The following OCIAD2 variants were observed in gnomAD, a reference collection of about 807,000 sequenced individuals.
OCIAD2 encodes the protein OCIA domain containing 2, also known as OCIA domain-containing protein 2.
OCIAD2 carries 29 observed loss-of-function variants against 22.9 expected under a neutral mutation model. The ratio of observed to expected loss-of-function variants is 1.27; its 90% CI spans 0.94 to 1.73. OCIAD2 has a LOEUF of 1.73. Among genes scored for constraint, OCIAD2 ranks in the 40% most tolerant of loss-of-function variants. The pLI, the probability that OCIAD2 is intolerant of heterozygous loss-of-function variation, is 0.00. For synonymous variants in OCIAD2, 67 were observed against 60.2 expected, an observed-to-expected ratio of 1.11 and a Z score of -0.52; for missense variants, 189 against 180.3, an observed-to-expected ratio of 1.05 and a Z score of -0.28.
In OCIAD2 at chr4:48,893,992, T is replaced by G; in HGVS notation, c.265+14A>C. On this transcript the variant is annotated intron_variant, in intron 5 of 6. Transcript: ENST00000508632. ...CCACCACACTTGGCTTGCTTTTTTA[T>G]TTCTATGACTTACGTGCAACTTTGG... 2 of 1,504,454 alleles carry G rather than the reference T, an allele frequency of 1.3e-6. No individual in the cohort carries two copies. The highest frequency in any genetic ancestry group is 1.8e-6 in the Non-Finnish European group (2 of 1,118,832). The allele number at this position is 1,504,454 out of a possible 1,614,324, so 93.2% of individuals were successfully genotyped here.
chr4:48,892,949 G>A (rs748276934), intron 5 of OCIAD2, 60 bp from the exon 6 acceptor site: 44 of 831,344 alleles, frequency 5.3e-5, no homozygotes, highest in Non-Finnish European at 8.0e-5. Flanking sequence ...ATTTTCTAGA[G>A]CTTTAAAAAT....
At chr4:48,902,626 C>G (rs1216605601) in intron 2 of OCIAD2, among the ~76,000 whole-genome samples, 1 of 152,196 alleles carries the variant, frequency 6.6e-6, no homozygotes, top group Non-Finnish European at 1.5e-5. Context: ...GAAATAAGGA[C>G]TGCCTCCCCT....
At chr4:48,901,901 C>T (rs764138148) in intron 2 of OCIAD2, among the ~76,000 whole-genome samples, 1 of 152,024 alleles carries the variant, frequency 6.6e-6, no homozygotes, top group Non-Finnish European at 1.5e-5. Flanking sequence ...CACCATCATG[C>T]CCAGCTAATT....
chr4:48,901,684 T>C (rs556495419), intron 2 of OCIAD2, among the ~76,000 whole-genome samples: 4 of 152,368 alleles, frequency 2.6e-5, no homozygotes, highest in African/African-American at 9.6e-5. Context: ...TTTTGTTATA[T>C]ATTGGCTCAT....
At chr4:48,892,200 T>C (rs532812208) in intron 6 of OCIAD2, among the ~76,000 whole-genome samples, 40 of 152,362 alleles carry the variant, frequency 2.6e-4, no homozygotes, top group African/African-American at 9.1e-4. Flanking sequence ...TCATGAATAA[T>C]CATTTCTATT....
At chr4:48,889,664 T>C (rs536991349) in intron 6 of OCIAD2, among the ~76,000 whole-genome samples, 1 of 152,302 alleles carries the variant, frequency 6.6e-6, no homozygotes, top group South Asian at 2.1e-4. Context: ...GGTGGGACTG[T>C]AAAGTAGTTC....
chr4:48,891,129 A>G (rs746297669), intron 6 of OCIAD2, among the ~76,000 whole-genome samples: 3 of 152,114 alleles, frequency 2.0e-5, no homozygotes, highest in Non-Finnish European at 4.4e-5. Context: ...CAACCCTGCT[A>G]TAGCTCCTAC....
chr4:48,906,248 C>CT (rs1312589925), intron 1 of OCIAD2, among the ~76,000 whole-genome samples: 1 of 152,184 alleles, frequency 6.6e-6, no homozygotes, highest in Non-Finnish European at 1.5e-5. Context: ...CGGGGACCCT[C>CT]TGTTTCCTCA....
intron 5 of OCIAD2, chr4:48,893,741 A>G (rs1371166340): frequency 4.2e-6 from 1 of 236,314 alleles, no homozygotes; most frequent in Non-Finnish European, 8.0e-6. Flanking sequence ...AGTGGCAGAA[A>G]ATAGGGGCTG....
In OCIAD2 at chr4:48,899,905, TTTTGGACAAAAC is replaced by T. The variant is rs1781379493; in HGVS notation, c.75_86del (p.Phe26_Lys29del). 1 of 1,613,658 alleles carries T rather than the reference TTTTGGACAAAAC, an allele frequency of 6.2e-7. No individual in the cohort carries two copies. On this transcript the variant is annotated inframe_deletion, in exon 3 of 7. Coordinates refer to ENST00000508632, the MANE Select transcript of OCIAD2 (RefSeq NM_001014446.3). ...CTGCTCTGTGGATGTGCAGTTTTGA[TTTTGGACAAAAC>T]AACAGGCTCTGTAAGGAAAGTTATA...
chr4:48,904,627 G>A lies in OCIAD2; in HGVS notation c.-62-16C>T, dbSNP rs1781489850. ...GACCCAGTGTCTAAGGAAGGTAGAA[G>A]AGAATCACTATGCCATGACTAAATG... is the stretch of plus-strand genomic sequence containing the variant. On this transcript the variant is annotated splice_polypyrimidine_tract_variant and intron_variant, in intron 1 of 6. Transcript: ENST00000508632. The A allele has an allele frequency of 7.9e-7, 1 of 1,268,784 alleles. No individual in the cohort carries two copies. The highest frequency in any genetic ancestry group is 1.2e-5 in the South Asian group (1 of 84,174). 78.6% of individuals were successfully genotyped at this position (1,268,784 alleles called of 1,614,324 possible).
intron 4 of OCIAD2, among the ~76,000 whole-genome samples, chr4:48,896,447 G>C (rs1470204691): frequency 6.6e-6 from 1 of 151,994 alleles, no homozygotes; most frequent in Non-Finnish European, 1.5e-5. Flanking sequence ...AAAAAAATTA[G>C]CTGGGTGTGG....
chr4:48,892,293 G>C (rs188461264), intron 6 of OCIAD2, among the ~76,000 whole-genome samples: 1 of 152,254 alleles, frequency 6.6e-6, no homozygotes, highest in Admixed American at 6.5e-5. Flanking sequence ...GAAACTTGCA[G>C]GGTCACACAA....
chr4:48,892,772 C>G lies in OCIAD2; in HGVS notation c.383G>C (p.Arg128Thr). Residue 128 changes from arginine to threonine, a missense_variant and splice_region_variant, in exon 6 of 7, where the codon AGG becomes ACG. By Grantham distance (71) the Arg-to-Thr change is moderately conservative (BLOSUM62 -1). Transcript: ENST00000508632. ...TCCCTCAACCAAACAGATTACAAAC[C>G]TGTTATGCTGTGGACCAAAACCAGC... ...RGAGFGPQHN[R>T]HCLLTCEECK... is the part of the protein sequence containing the mutation. 3 of 1,506,932 alleles carry G rather than the reference C, an allele frequency of 2.0e-6. No homozygotes were observed. Among genetic ancestry groups the G allele is most frequent in the Non-Finnish European group, 2.8e-6 (3 of 1,089,494 alleles). 93.3% of individuals were successfully genotyped at this position (1,506,932 alleles called of 1,614,324 possible). A position where few individuals can be genotyped will look rare whatever the true frequency, so the allele number is the denominator to read the frequency against.
chr4:48,899,307 C>G (rs1003266996), intron 3 of OCIAD2, among the ~76,000 whole-genome samples: 1 of 152,098 alleles, frequency 6.6e-6, no homozygotes, highest in Non-Finnish European at 1.5e-5. Context: ...GAGGCAGGCT[C>G]AGAAAGAGGA....
intron 4 of OCIAD2, 68 bp downstream of exon 4, chr4:48,897,736 G>T: frequency 8.4e-7 from 1 of 1,192,464 alleles, no homozygotes. Context: ...GGGCCAAAAA[G>T]CTGCCAGGAG....
chr4:48,902,075 T>G (rs1004591608), intron 2 of OCIAD2, among the ~76,000 whole-genome samples: 4 of 150,144 alleles, frequency 2.7e-5, no homozygotes, highest in Non-Finnish European at 5.9e-5. Context: ...CCCCATTAAG[T>G]TTTTTTTTTA....
intron 6 of OCIAD2, among the ~76,000 whole-genome samples, chr4:48,886,422 C>T (rs1195906529): frequency 1.3e-4 from 20 of 152,114 alleles, no homozygotes; most frequent in African/African-American, 7.2e-5. Context: ...ACATGTGCCA[C>T]GTTGGTGTGC....
At chr4:48,888,847 C>T (rs1386217706) in intron 6 of OCIAD2, among the ~76,000 whole-genome samples, 1 of 152,078 alleles carries the variant, frequency 6.6e-6, no homozygotes, top group African/African-American at 2.4e-5. Flanking sequence ...TGATGTTGGC[C>T]TCATAAAATG....
Sources: allele counts gnomAD v4.1 joint callset (sites outside exome capture counted in the v4.1 genomes callset), GRCh38; gene constraint gnomAD v4.1.1; transcripts MANE v1.5; gene names NCBI Gene and HGNC (gene_info 2026-07-23, HGNC 2026-07-21).